Variants in HOMER3 observed in about 807,000 individuals in gnomAD.
HOMER3 encodes homer protein homolog 3.
In HOMER3, 34 loss-of-function variants were observed where a neutral mutation model predicts 45.5. The ratio of observed to expected loss-of-function variants is 0.75; its 90% CI spans 0.57 to 1.00. The LOEUF (loss-of-function observed/expected upper bound fraction) is 1.00, where lower values mean the gene tolerates loss of function less well. Among genes scored for constraint, HOMER3 ranks in the 50% least tolerant of loss-of-function variants. The pLI is 0.00. For missense variants in HOMER3, 480 were observed against 497.5 expected, an observed-to-expected ratio of 0.96 and a Z score of 0.33; for synonymous variants, 223 against 208.8, an observed-to-expected ratio of 1.07 and a Z score of -0.58.
chr19:18,933,089 G>C, intron 5 of HOMER3, 44 bp from the exon 6 acceptor site: 1 of 1,444,582 alleles, frequency 6.9e-7, no homozygotes, highest in Non-Finnish European at 9.1e-7. Context: ...ACATCAGCTG[G>C]GATCAAGGCT....
At chr19:18,939,136 G>T in intron 1 of HOMER3, 87 bp from the exon 2 acceptor site, 1 of 698,690 alleles carries the variant, frequency 1.4e-6, no homozygotes, top group Non-Finnish European at 2.3e-6. Flanking sequence ...ATCACCAGGT[G>T]TGCCCGTCAT....
chr19:18,931,374 CG>C lies in HOMER3; in HGVS notation c.844del (p.Arg282AlafsTer65). ...ACGCTCGGCAGCCTCCAGGGCCTCG[CG>C]GGGCCCCCCAGTCTGACTCTTCAGG... ...QTLKSQTGGP[R>X]EALEAAEREE... is the part of the protein sequence containing the mutation. On this transcript the variant is annotated frameshift_variant, in exon 9 of 10. Transcript: ENST00000392351. LOFTEE classifies it high-confidence loss of function. The C allele has an allele frequency of 6.2e-7, 1 of 1,614,126 alleles. No homozygotes were observed. Among genetic ancestry groups the C allele is most frequent in the Non-Finnish European group, 8.5e-7 (1 of 1,180,022 alleles).
rs1164064480 is a variant in HOMER3, at chr19:18,930,182, G to A, written c.895-548C>T. 6.0e-5 allele frequency among the ~76,000 whole-genome samples: 9 copies of A among 150,856 alleles called. No homozygotes were observed. The Middle Eastern group carries it at 0.014, about 234-fold the overall frequency. On this transcript the variant is annotated intron_variant, in intron 9 of 9. Coordinates refer to ENST00000392351, the MANE Select transcript of HOMER3 (RefSeq NM_004838.4). The stretch of plus-strand genomic sequence containing the variant: ...GGAGAATCGCTTGAGCTCAGAAGGC[G>A]GAGCTTGCAGTGAGCCGAGATCGCG...
At chr19:18,930,799 G>A (rs1044315610) in intron 9 of HOMER3, among the ~76,000 whole-genome samples, 3 of 152,098 alleles carry the variant, frequency 2.0e-5, no homozygotes, top group African/African-American at 7.2e-5. Flanking sequence ...CATGAGATCA[G>A]GAGTTGAGAC....
intron 9 of HOMER3, 100 bp from the exon 10 acceptor site, chr19:18,929,734 G>A (rs2057009943): frequency 4.8e-6 from 5 of 1,046,250 alleles, no homozygotes; most frequent in African/African-American, 1.6e-5. Context: ...CTTCTGCCCA[G>A]AGCCATCCTA....
At chr19:18,940,022 G>A (rs2057137494) in intron 1 of HOMER3, 1 of 152,520 alleles carries the variant, frequency 6.6e-6, no homozygotes, top group Admixed American at 6.5e-5. Context: ...GAATCTGCAG[G>A]GGACCAAGGA....
rs965647548 is a variant in HOMER3 at position 18,941,157 on chromosome 19, C to A, written c.-174G>T. On this transcript the variant is annotated 5_prime_UTR_variant, in exon 1 of 10. Coordinates refer to ENST00000392351, the MANE Select transcript of HOMER3 (RefSeq NM_004838.4). ...CCCGCTCGCTCCCTGGCTCCCGGGC[C>A]CGCGCCCTCCGCGCCGCCCTCCACG... The A allele has an allele frequency of 2.0e-5, 3 of 148,374 alleles. No homozygotes were observed. In the Admixed American group the frequency reaches 2.0e-4, roughly 10 times the overall value. 9.2% of individuals were successfully genotyped at this position (148,374 alleles called of 1,614,324 possible). A position where few individuals can be genotyped will look rare whatever the true frequency, so the allele number is the denominator to read the frequency against.
At chr19:18,939,340 C>G (rs1022170422) in intron 1 of HOMER3, 3 of 259,128 alleles carry the variant, frequency 1.2e-5, no homozygotes, top group African/African-American at 6.6e-5. Flanking sequence ...ACTGGGGAGG[C>G]TGAGGTGGGA....
intron 6 of HOMER3, 45 bp downstream of exon 6, chr19:18,932,879 A>AACCCCCCCCCCCCCCCCCCCC: frequency 3.1e-5 from 7 of 226,448 alleles, no homozygotes; most frequent in East Asian, 1.4e-4. Context: ...CTCGTCCCCC[A>AACCCCCCCCCCCCCCCCCCCC]CCCCTACCCC....
intron 9 of HOMER3, among the ~76,000 whole-genome samples, chr19:18,929,902 C>A (rs541395684): frequency 6.6e-6 from 1 of 152,122 alleles, no homozygotes; most frequent in Admixed American, 6.5e-5. Flanking sequence ...CAACCTCCGC[C>A]TCCCAGGTTC....
chr19:18,939,270 T>C, intron 1 of HOMER3: 1 of 404,268 alleles, frequency 2.5e-6, no homozygotes, highest in Non-Finnish European at 4.4e-6. Flanking sequence ...CGAGACCCCA[T>C]CTCTACCAAA....
rs2057003159 is a variant in HOMER3, at chr19:18,929,360, C to G, written c.*83G>C. 5 of 1,471,440 alleles carry G rather than the reference C, an allele frequency of 3.4e-6. No individual in the cohort carries two copies. In the African/African-American group the frequency reaches 5.5e-5, roughly 16 times the overall value. The allele number at this position is 1,471,440 out of a possible 1,614,324, so 91.1% of individuals were successfully genotyped here. The stretch of plus-strand genomic sequence containing the variant: ...TAAGTTGGGACCCCCCAGTCCCTTT[C>G]CAGGACGAATGGGCCCAACTATGCC... On this transcript the variant is annotated 3_prime_UTR_variant, in exon 10 of 10. Transcript: ENST00000392351.
chr19:18,938,385 G>C lies in HOMER3; in HGVS notation c.271C>G (p.Leu91Val). Residue 91 changes from leucine to valine, a missense_variant, in exon 4 of 10, where the codon CTG becomes GTG. Leu to Val is a conservative substitution (Grantham distance 32). Transcript: ENST00000392351. ...AGATGCTGTTCAGAGGCAAAGCCCA[G>C]GCCGTAGACTGTGTTGGCGCGACTG... ...ADSRANTVYG[L>V]GFASEQHLTQ... The C allele has an allele frequency of 6.2e-7, 1 of 1,613,488 alleles. No individual in the cohort carries two copies. Among genetic ancestry groups the C allele is most frequent in the Non-Finnish European group, 8.5e-7 (1 of 1,179,546 alleles).
At chr19:18,929,689 C>G (rs1007997125) in intron 9 of HOMER3, 55 bp from the exon 10 acceptor site, 1 of 1,407,602 alleles carries the variant, frequency 7.1e-7, no homozygotes, top group East Asian at 2.6e-5. Context: ...CAGTCCTGCC[C>G]GAGGCATCCA....
In HOMER3 at chr19:18,933,053, CG is replaced by C; in HGVS notation, c.412-9del. The C allele has an allele frequency of 6.7e-7, 1 of 1,487,392 alleles. No individual in the cohort carries two copies. Among genetic ancestry groups the C allele is most frequent in the South Asian group, 1.4e-5 (1 of 73,280 alleles). 92.1% of individuals were successfully genotyped at this position (1,487,392 alleles called of 1,614,324 possible). ...GAGAGGGCTCGGGGGCACCTAGGCA[CG>C]GGGAAAAGAATAGGTCACGACCCCA... is the stretch of plus-strand genomic sequence containing the variant. On this transcript the variant is annotated splice_polypyrimidine_tract_variant and intron_variant, in intron 5 of 9. Transcript: ENST00000392351.
At chr19:18,936,123 G>GAA (rs917105876) in intron 4 of HOMER3, among the ~76,000 whole-genome samples, 5 of 150,534 alleles carry the variant, frequency 3.3e-5, no homozygotes, top group African/African-American at 1.2e-4. Flanking sequence ...AGAGCAGGCT[G>GAA]ACCAACATGG....
At chr19:18,939,271 C>A in intron 1 of HOMER3, 1 of 406,024 alleles carries the variant, frequency 2.5e-6, no homozygotes, top group Admixed American at 4.0e-5. Flanking sequence ...GAGACCCCAT[C>A]TCTACCAAAA....
intron 7 of HOMER3, 52 bp from the exon 8 acceptor site, chr19:18,931,677 C>A: frequency 6.5e-7 from 1 of 1,538,050 alleles, no homozygotes; most frequent in Non-Finnish European, 8.7e-7. Context: ...CTCTCCCTTG[C>A]TCGCCCAACC....
intron 6 of HOMER3, among the ~76,000 whole-genome samples, chr19:18,932,659 T>A (rs1409813566): frequency 6.6e-6 from 1 of 151,436 alleles, no homozygotes; most frequent in Admixed American, 6.6e-5. Flanking sequence ...AGGGTGGTTA[T>A]CCTAAGACCA....
Sources: allele counts gnomAD v4.1 joint callset (sites outside exome capture counted in the v4.1 genomes callset), GRCh38; gene constraint gnomAD v4.1.1; transcripts MANE v1.5; gene names NCBI Gene and HGNC (gene_info 2026-07-23, HGNC 2026-07-21).